PUF60: variants seen among roughly 807,000 people sequenced by gnomAD.
PUF60 encodes poly(U) binding splicing factor 60.
A neutral mutation model predicts 61.8 loss-of-function variants in PUF60; 10 were observed. The ratio of observed to expected loss-of-function variants is 0.16; its 90% CI spans 0.10 to 0.27. PUF60 has a LOEUF of 0.27. Ranked by LOEUF, PUF60 falls within the 10% of genes least tolerant of loss-of-function variation. The pLI is 1.00. For synonymous variants in PUF60, 353 were observed against 300.9 expected (o/e 1.17, Z -1.79); for missense variants, 371 against 754.0 (o/e 0.49, Z 5.95).
At chr8:143,823,439 G>C (rs531117602) in intron 2 of PUF60, among the ~76,000 whole-genome samples, 64 of 152,350 alleles carry the variant, frequency 4.2e-4, no homozygotes, top group Non-Finnish European at 8.4e-4. Context: ...AACCCCCTCA[G>C]CCCCCAGACA....
chr8:143,821,987 CT>C (rs1210319704), intron 2 of PUF60, 74 bp from the exon 3 acceptor site: 2 of 1,098,544 alleles, frequency 1.8e-6, no homozygotes, highest in Non-Finnish European at 2.6e-6. Context: ...AGGGCCACCC[CT>C]AGCACAGACT....
intron 1 of PUF60, among the ~76,000 whole-genome samples, chr8:143,827,977 C>T (rs1370162999): frequency 6.6e-6 from 1 of 152,362 alleles, no homozygotes; most frequent in East Asian, 1.9e-4. Flanking sequence ...TCACCATCAA[C>T]TCTCTGACTG....
At chr8:143,823,013 C>A in intron 2 of PUF60, 1 of 171,408 alleles carries the variant, frequency 5.8e-6, no homozygotes, top group Non-Finnish European at 1.3e-5. Context: ...CCCCCTCCTG[C>A]CTGCCAAGTG....
rs111677763 is a variant in PUF60 at position 143,817,793 on chromosome 8, G to C, written c.818-11C>G. The C allele has an allele frequency of 6.2e-7, 1 of 1,607,560 alleles. No individual in the cohort carries two copies. The highest frequency in any genetic ancestry group is 8.5e-7 in the Non-Finnish European group (1 of 1,177,578). On this transcript the variant is annotated splice_polypyrimidine_tract_variant and intron_variant, in intron 8 of 11. Coordinates refer to ENST00000526683, the MANE Select transcript of PUF60 (RefSeq NM_078480.3). This position sits in a 1 kb window ranked among gnomAD's most constrained non-coding sequence, Gnocchi z 7.4. ...GGGCCTTCTCGTACTCTGTGGGCAGGAGCAGCAGTGAGCAGGGCCAGCCCC... is the reference window on the plus strand; with the variant it reads ...GGGCCTTCTCGTACTCTGTGGGCAGCAGCAGCAGTGAGCAGGGCCAGCCCC...
In PUF60 at chr8:143,818,223, G is replaced by A. The variant is rs1272664176; in HGVS notation, c.573C>T (p.Asn191=). ...TGTTCCTGCCCCCCAGCATCACCGA[G>A]TTCATCTGCTCCAAGGCCAGCTGTG... ...EAAQLALEQM[N]SVMLGGRNIK... Residue 191 remains asparagine, a synonymous_variant, in exon 7 of 12, where the codon AAC becomes AAT. Transcript: ENST00000526683. This position sits in a 1 kb window ranked among gnomAD's most constrained non-coding sequence, Gnocchi z 7.9. The A allele has an allele frequency of 6.2e-7, 1 of 1,611,730 alleles. No homozygotes were observed. The highest frequency in any genetic ancestry group is 1.7e-5 in the Admixed American group (1 of 59,846).
At chr8:143,827,483 C>T in intron 1 of PUF60, 1 of 455,866 alleles carries the variant, frequency 2.2e-6, no homozygotes, top group Non-Finnish European at 4.4e-6. Flanking sequence ...GCTTCCTTCC[C>T]CACCAGGCCA....
In PUF60 at chr8:143,818,822, T is replaced by A; in HGVS notation, c.349-288A>T. 5 of 468,966 alleles carry A rather than the reference T, an allele frequency of 1.1e-5. No homozygotes were observed. 29.1% of individuals were successfully genotyped at this position (468,966 alleles called of 1,614,324 possible). ...GACAGATGGTCAGGAGGCAGGGCTG[T>A]GCGCCCTCCCACCCAGACCACCCCT... On this transcript the variant is annotated intron_variant, in intron 5 of 11. Coordinates refer to ENST00000526683, the MANE Select transcript of PUF60 (RefSeq NM_078480.3). This position sits in a 1 kb window ranked among gnomAD's most constrained non-coding sequence, Gnocchi z 7.9.
intron 1 of PUF60, chr8:143,827,184 G>A: frequency 3.0e-6 from 1 of 336,886 alleles, no homozygotes; most frequent in Non-Finnish European, 5.8e-6. Context: ...AGAAAGCACA[G>A]GATAAGAAAG....
At chr8:143,828,711 A>G (rs1469393505) in intron 1 of PUF60, among the ~76,000 whole-genome samples, 1 of 152,200 alleles carries the variant, frequency 6.6e-6, no homozygotes, top group Non-Finnish European at 1.5e-5. Flanking sequence ...AACACGTAGG[A>G]TGAGAGCGCA....
chr8:143,817,840 C>T lies in PUF60; in HGVS notation c.817+22G>A, dbSNP rs772986063. On this transcript the variant is annotated intron_variant, in intron 8 of 11. Transcript: ENST00000526683. The surrounding 1 kb of genome is among the most constrained non-coding windows in gnomAD (Gnocchi z 7.4). ...CCCCAGCCTCAGGTGGCCCCCATCC[C>T]GCCTCAGCCACCCCAGCTCACCAAT... 17 of 1,609,080 alleles carry T rather than the reference C, an allele frequency of 1.1e-5. No homozygotes were observed. Among genetic ancestry groups the T allele is most frequent in the African/African-American group, 1.3e-5 (1 of 74,856 alleles).
In PUF60 at chr8:143,816,489, A is replaced by G. The variant is rs778429664; in HGVS notation, c.*31T>C. ...CTATAAAACCCAGAGGAAACAAGGAACAAGTGCAAGTCCGGGGAGAGGGAC... is the reference window on the plus strand; with the variant it reads ...CTATAAAACCCAGAGGAAACAAGGAGCAAGTGCAAGTCCGGGGAGAGGGAC... On this transcript the variant is annotated 3_prime_UTR_variant, in exon 12 of 12. Transcript: ENST00000526683. The G allele has an allele frequency of 1.3e-6, 2 of 1,580,832 alleles. No individual in the cohort carries two copies. Among genetic ancestry groups the G allele is most frequent in the African/African-American group, 1.3e-5 (1 of 74,150 alleles).
intron 4 of PUF60, 70 bp from the exon 5 acceptor site, chr8:143,820,786 C>T (rs1816914660): frequency 9.0e-6 from 13 of 1,449,480 alleles, no homozygotes; most frequent in South Asian, 5.7e-5. Flanking sequence ...CAACACCTCA[C>T]GCAGACAGCG....
chr8:143,816,428 C>G lies in PUF60; in HGVS notation c.*92G>C. On this transcript the variant is annotated 3_prime_UTR_variant, in exon 12 of 12. Transcript: ENST00000526683. ...TATCCGCACTGTAGGCTGGGCTGGG[C>G]AGAGCGCGCCTGGCCCCGGGGACAC... 7.1e-7 allele frequency: 1 copy of G among 1,412,932 alleles called. No individual in the cohort carries two copies. Among genetic ancestry groups the G allele is most frequent in the South Asian group, 1.4e-5 (1 of 73,140 alleles). 87.5% of individuals were successfully genotyped at this position (1,412,932 alleles called of 1,614,324 possible). A position where few individuals can be genotyped will look rare whatever the true frequency, so the allele number is the denominator to read the frequency against.
rs534524186 is a variant in PUF60 at position 143,819,742 on chromosome 8, C to T, written c.348+924G>A. 2.0e-5 allele frequency among the ~76,000 whole-genome samples: 3 copies of T among 152,246 alleles called. No individual in the cohort carries two copies. In the South Asian group the frequency reaches 6.2e-4, roughly 32 times the overall value. ...CCCCCAAAGGTGGAATCACATCCCCCTCACTCAGCAGGCTCCCCAGACACG... is the reference window on the plus strand; with the variant it reads ...CCCCCAAAGGTGGAATCACATCCCCTTCACTCAGCAGGCTCCCCAGACACG... On this transcript the variant is annotated intron_variant, in intron 5 of 11. Coordinates refer to ENST00000526683, the MANE Select transcript of PUF60 (RefSeq NM_078480.3).
In PUF60 at chr8:143,821,200, G is replaced by C. The variant is rs988717396; in HGVS notation, c.297+397C>G. ...GCCCAGGTGGTCTGGACTCACTGCA[G>C]GGGTGAGGGCCTGAGCAGTCTTATC... On this transcript the variant is annotated intron_variant, in intron 4 of 11. Transcript: ENST00000526683. 159 of 409,466 alleles carry C rather than the reference G, an allele frequency of 3.9e-4. 1 individual carries two copies. Among genetic ancestry groups the C allele is most frequent in the Non-Finnish European group, 8.1e-5 (18 of 221,090 alleles). The allele number at this position is 409,466 out of a possible 1,614,324, so 25.4% of individuals were successfully genotyped here.
intron 5 of PUF60, chr8:143,820,462 A>T: frequency 1.6e-6 from 1 of 627,246 alleles, no homozygotes; most frequent in Non-Finnish European, 2.8e-6. Context: ...GGGCCCTCAG[A>T]GCAGATGGAG....
intron 5 of PUF60, among the ~76,000 whole-genome samples, chr8:143,819,748 C>T (rs1206829084): frequency 6.6e-6 from 1 of 152,090 alleles, no homozygotes; most frequent in African/African-American, 2.4e-5. Flanking sequence ...CCCCCTCACT[C>T]AGCAGGCTCC....
At chr8:143,829,144 C>G (rs1227592243) in intron 1 of PUF60, 136 bp downstream of exon 1, 27 of 1,204,946 alleles carry the variant, frequency 2.2e-5, no homozygotes, top group Non-Finnish European at 2.5e-5. Flanking sequence ...CCTCACGCGA[C>G]CCGGGGACAC....
At chr8:143,823,652 C>G (rs1168558015) in intron 2 of PUF60, among the ~76,000 whole-genome samples, 1 of 152,220 alleles carries the variant, frequency 6.6e-6, no homozygotes, top group East Asian at 1.9e-4. Context: ...GCCAGGCCAC[C>G]TTGCTGAGGC....
Sources: gnomAD v4.1 joint callset for allele counts (sites outside exome capture counted in the v4.1 genomes callset) on GRCh38, gnomAD v4.1.1 for gene constraint, Gnocchi (gnomAD v3.1) non-coding constraint, MANE v1.5 for transcripts, NCBI Gene and HGNC (gene_info 2026-07-23, HGNC 2026-07-21) for gene names.